BCKDHB: variants seen among roughly 807,000 people sequenced by gnomAD.
BCKDHB encodes branched chain keto acid dehydrogenase E1 subunit beta.
A neutral mutation model predicts 48.5 loss-of-function variants in BCKDHB; 41 were observed. The observed-to-expected ratio is 0.85, with a 90% CI of 0.66 to 1.10. BCKDHB has a LOEUF of 1.10. Ranked by LOEUF, BCKDHB falls within the 50% of genes least tolerant of loss-of-function variation. BCKDHB has a pLI of 0.00. For synonymous variants in BCKDHB, 201 were observed against 174.8 expected, an observed-to-expected ratio of 1.15 and a Z score of -1.18; for missense variants, 496 against 494.2, an observed-to-expected ratio of 1.00 and a Z score of -0.03.
chr6:80,416,705 G>A, the BCKDHB span, among the ~76,000 whole-genome samples: 2 of 151,750 alleles, frequency 1.3e-5, no homozygotes, highest in Admixed American at 1.3e-4. Flanking sequence ...CTGATTATGT[G>A]ATCAATTTAC....
the BCKDHB span, among the ~76,000 whole-genome samples, chr6:80,385,402 C>A: frequency 3.3e-5 from 5 of 152,266 alleles, no homozygotes; most frequent in South Asian, 1.0e-3. Context: ...AATAATGGGA[C>A]CCTGCAACTT....
rs1775656712 is a variant in BCKDHB, at chr6:80,225,869, C to A, written c.951+22657C>A. Among the ~76,000 whole-genome samples, 6 of 152,272 alleles carry A rather than the reference C, an allele frequency of 3.9e-5. No homozygotes were observed. In the South Asian group the frequency reaches 1.0e-3, roughly 26 times the overall value. On this transcript the variant is annotated intron_variant, in intron 8 of 9. Coordinates refer to ENST00000320393, the MANE Select transcript of BCKDHB (RefSeq NM_183050.4). ...GTTAGAAACTTTTAAAAACCCTACT[C>A]AGTATTGTTATTAGCATTGTTTTGT...
At chr6:80,114,138 G>A (rs2127710139) in intron 1 of BCKDHB, among the ~76,000 whole-genome samples, 1 of 152,150 alleles carries the variant, frequency 6.6e-6, no homozygotes, top group South Asian at 2.1e-4. Context: ...TTTTGATTTA[G>A]TTCTAGGAAG....
chr6:80,231,414 T>C (rs190864476), intron 8 of BCKDHB, among the ~76,000 whole-genome samples: 97 of 152,280 alleles, frequency 6.4e-4, no homozygotes, highest in African/African-American at 2.3e-3. Flanking sequence ...AAAATAAAAA[T>C]GGTATTCTGT....
Position 80,130,942 on chromosome 6 carries a change from A to G in BCKDHB, c.343+1713A>G, listed in dbSNP as rs79013880. Among the ~76,000 whole-genome samples, 6 of 152,268 alleles carry G rather than the reference A, an allele frequency of 3.9e-5. No individual in the cohort carries two copies. The East Asian group carries it at 9.7e-4, about 24-fold the overall frequency. On this transcript the variant is annotated intron_variant, in intron 3 of 9. Coordinates refer to ENST00000320393, the MANE Select transcript of BCKDHB (RefSeq NM_183050.4). ...GCCTGACTCAGTGTAGTAGCATGCC[A>G]TGTGCTTTCTGAATAGCTAATATTT...
chr6:80,140,515 G>T (rs559718154), intron 3 of BCKDHB, among the ~76,000 whole-genome samples: 11 of 152,200 alleles, frequency 7.2e-5, no homozygotes, highest in Non-Finnish European at 1.3e-4. Context: ...TAGCATGAAG[G>T]GTTGTTGAAT....
intron 8 of BCKDHB, among the ~76,000 whole-genome samples, chr6:80,257,031 G>A (rs1213322408): frequency 6.6e-6 from 1 of 152,102 alleles, no homozygotes; most frequent in African/African-American, 2.4e-5. Context: ...ACATTATTAA[G>A]AATAAATTTG....
intron 8 of BCKDHB, 21 bp downstream of exon 8, chr6:80,203,233 G>T: frequency 6.6e-7 from 1 of 1,506,840 alleles, no homozygotes; most frequent in Non-Finnish European, 9.2e-7. Flanking sequence ...AATGGTGATA[G>T]AATGTCATTT....
the BCKDHB span, among the ~76,000 whole-genome samples, chr6:80,420,873 A>G: frequency 6.6e-6 from 1 of 152,196 alleles, no homozygotes; most frequent in East Asian, 1.9e-4. Context: ...TGTGGAAGCA[A>G]TTATGAACCA....
chr6:80,449,419 C>T, the BCKDHB span, among the ~76,000 whole-genome samples: 9 of 151,940 alleles, frequency 5.9e-5, no homozygotes, highest in Non-Finnish European at 1.2e-4. Flanking sequence ...AGGCCTTGTG[C>T]TGTTGGAGCT....
chr6:80,229,775 CATA>C (rs974919912), intron 8 of BCKDHB, among the ~76,000 whole-genome samples: 150 of 152,006 alleles, frequency 9.9e-4, no homozygotes, highest in African/African-American at 3.6e-3. Context: ...AGGTTTTCCT[CATA>C]TTATTAGTAA....
At chr6:80,411,728 G>A in the BCKDHB span, among the ~76,000 whole-genome samples, 867 of 152,336 alleles carry the variant, frequency 5.7e-3, 4 homozygotes, top group African/African-American at 0.016. Context: ...AGACTGCTGC[G>A]CTAGCAGTGA....
intron 8 of BCKDHB, among the ~76,000 whole-genome samples, chr6:80,259,924 C>CCACA (rs1777223060): frequency 6.6e-6 from 1 of 152,108 alleles, no homozygotes; most frequent in African/African-American, 2.4e-5. Flanking sequence ...AACTCCAACC[C>CCACA]CACACCATGA....
At chr6:80,176,573 C>T (rs1240881181) in intron 6 of BCKDHB, among the ~76,000 whole-genome samples, 1 of 151,810 alleles carries the variant, frequency 6.6e-6, no homozygotes, top group Non-Finnish European at 1.5e-5. Context: ...GCAAAGGTGG[C>T]AGGATGGAAA....
chr6:80,401,377 C>T, the BCKDHB span, among the ~76,000 whole-genome samples: 83 of 151,764 alleles, frequency 5.5e-4, 1 homozygote, highest in African/African-American at 1.9e-3. Flanking sequence ...TAGATCCCCC[C>T]GACCCCTTTT....
At chr6:80,323,953 T>G (rs1384540799) in intron 9 of BCKDHB, among the ~76,000 whole-genome samples, 1 of 152,182 alleles carries the variant, frequency 6.6e-6, no homozygotes, top group African/African-American at 2.4e-5. Context: ...TTTGTATTTT[T>G]AGTAGAGACG....
At chr6:80,448,383 T>G in the BCKDHB span, among the ~76,000 whole-genome samples, 1 of 152,192 alleles carries the variant, frequency 6.6e-6, no homozygotes, top group African/African-American at 2.4e-5. Context: ...ATTAAGTTTT[T>G]GGATGCTATG....
At chr6:80,431,132 G>C in the BCKDHB span, among the ~76,000 whole-genome samples, 1 of 152,188 alleles carries the variant, frequency 6.6e-6, no homozygotes, top group African/African-American at 2.4e-5. Flanking sequence ...GTGTGGTTTT[G>C]AGGGAGTTTC....
At chr6:80,181,784 A>G (rs1773422635) in intron 6 of BCKDHB, among the ~76,000 whole-genome samples, 1 of 152,190 alleles carries the variant, frequency 6.6e-6, no homozygotes, top group Non-Finnish European at 1.5e-5. Flanking sequence ...CAAGTTGAAG[A>G]GGAGGACAAA....
Sources: gnomAD v4.1 joint callset for allele counts (sites outside exome capture counted in the v4.1 genomes callset) on GRCh38, gnomAD v4.1.1 for gene constraint, MANE v1.5 for transcripts, NCBI Gene and HGNC (gene_info 2026-07-23, HGNC 2026-07-21) for gene names.